The following SSPN variants were observed in gnomAD, a reference collection of about 807,000 sequenced individuals.
SSPN encodes the protein sarcospan.
SSPN carries 15 observed loss-of-function variants against 19.1 expected under a neutral mutation model. That is an observed-to-expected ratio of 0.78 (90% CI 0.52 to 1.21). SSPN has a LOEUF of 1.21. SSPN is among the 50% of genes most tolerant of loss of function. SSPN has a pLI of 0.00. For missense variants in SSPN, 291 were observed against 314.0 expected (o/e 0.93, Z 0.55); for synonymous variants, 147 against 140.3 (o/e 1.05, Z -0.34).
At chr12:26,181,264 A>G (rs1944717206) in intron 1 of SSPN, 1 of 152,174 alleles carries the variant, frequency 6.6e-6, no homozygotes, top group South Asian at 2.1e-4. Flanking sequence ...AAGTTACTCA[A>G]TACAGTTGGA....
intron 1 of SSPN, among the ~76,000 whole-genome samples, chr12:26,144,890 C>T (rs1944480893): frequency 6.6e-6 from 1 of 152,168 alleles, no homozygotes; most frequent in Non-Finnish European, 1.5e-5. Flanking sequence ...ATGAGTTGGT[C>T]ACTTTCCTCC....
intron 1 of SSPN, among the ~76,000 whole-genome samples, chr12:26,146,818 TA>T (rs770083050): frequency 1.4e-4 from 15 of 105,160 alleles, no homozygotes; most frequent in African/African-American, 2.4e-4. Flanking sequence ...CAAGGCTGTC[TA>T]AAAAAAAAAA....
At chr12:26,206,232 A>C (rs2137472224) in intron 1 of SSPN, among the ~76,000 whole-genome samples, 1 of 152,316 alleles carries the variant, frequency 6.6e-6, no homozygotes, top group Non-Finnish European at 1.5e-5. Flanking sequence ...GCTTGGGGAC[A>C]CTGACCTCCT....
At chr12:26,148,589 G>T (rs1223550677) in intron 1 of SSPN, among the ~76,000 whole-genome samples, 1 of 152,114 alleles carries the variant, frequency 6.6e-6, no homozygotes, top group Non-Finnish European at 1.5e-5. Flanking sequence ...TTGGCATCTT[G>T]CATTCTATAA....
chr12:26,131,804 A>G lies in SSPN; in HGVS notation c.-31+9652A>G, dbSNP rs117034921. 8.3e-4 allele frequency among the ~76,000 whole-genome samples: 126 copies of G among 152,350 alleles called. No homozygotes were observed. The East Asian group carries it at 0.012, about 14-fold the overall frequency. ...CTCTCAATTCTTAGAACTAGGCACCATCAACTCTACCTTACAGATGAACAA... is the reference window on the plus strand; with the variant it reads ...CTCTCAATTCTTAGAACTAGGCACCGTCAACTCTACCTTACAGATGAACAA... On this transcript the variant is annotated intron_variant, in intron 1 of 2. Coordinates refer to the SSPN transcript ENST00000538142.
At chr12:26,205,587 C>T (rs1201902172) in intron 1 of SSPN, among the ~76,000 whole-genome samples, 1 of 152,192 alleles carries the variant, frequency 6.6e-6, no homozygotes, top group African/African-American at 2.4e-5. Context: ...ACAAGGGCAA[C>T]AGCATTTCAG....
At chr12:26,166,467 G>T (rs1417980222) in intron 1 of SSPN, among the ~76,000 whole-genome samples, 1 of 152,218 alleles carries the variant, frequency 6.6e-6, no homozygotes, top group Non-Finnish European at 1.5e-5. Flanking sequence ...ATTGTACATT[G>T]TACATTGAGA....
At chr12:26,224,214 A>G (rs1197895714) in intron 1 of SSPN, 79 bp from the exon 2 acceptor site, 5 of 951,276 alleles carry the variant, frequency 5.3e-6, no homozygotes, top group Admixed American at 3.6e-5. Flanking sequence ...ATGTGACTGC[A>G]GGAAGATACT....
chr12:26,122,181 T>G lies in SSPN; in HGVS notation c.-31+29T>G, dbSNP rs764293030. The G allele has an allele frequency of 3.2e-5, 47 of 1,485,456 alleles. No homozygotes were observed. The highest frequency in any genetic ancestry group is 4.5e-6 in the Non-Finnish European group (5 of 1,118,322). The allele number at this position is 1,485,456 out of a possible 1,614,324, so 92.0% of individuals were successfully genotyped here. ...GGTGCGGCCGTGCGGGTGCTGGGGG[T>G]GCGGCGCCCCAAGGGGCGCCACCTC... On this transcript the variant is annotated intron_variant, in intron 1 of 2. Transcript: ENST00000538142.
At chr12:26,122,923 A>G in intron 1 of SSPN, 3 of 1,550,556 alleles carry the variant, frequency 1.9e-6, no homozygotes, top group Non-Finnish European at 2.6e-6. Flanking sequence ...GCGGCCGCGG[A>G]CCCGGCGGCC....
Position 26,124,970 on chromosome 12 carries a change from G to C in SSPN, c.-31+2818G>C, listed in dbSNP as rs1160472597. ...CTCCACCGCGCTCGCACACACACAC[G>C]CACACACACGCACACTCGCGCCGGC... On this transcript the variant is annotated intron_variant, in intron 1 of 2. Coordinates refer to the SSPN transcript ENST00000538142. The C allele has an allele frequency of 1.4e-5, 9 of 633,984 alleles. No individual in the cohort carries two copies. The Middle Eastern group carries it at 1.7e-3, about 122-fold the overall frequency. 39.3% of individuals were successfully genotyped at this position (633,984 alleles called of 1,614,324 possible).
chr12:26,183,127 C>G (rs1398521713), intron 1 of SSPN, among the ~76,000 whole-genome samples: 2 of 152,134 alleles, frequency 1.3e-5, no homozygotes, highest in African/African-American at 4.8e-5. Context: ...TCCTGACTTA[C>G]AATTTCCTGA....
At chr12:26,125,744 C>T (rs1431780938) in intron 1 of SSPN, 1 of 148,704 alleles carries the variant, frequency 6.7e-6, no homozygotes, top group Admixed American at 6.7e-5. Context: ...TTTGGGGCCG[C>T]GTGTGCTCCT....
intron 1 of SSPN, among the ~76,000 whole-genome samples, chr12:26,165,171 T>A (rs555506796): frequency 1.2e-4 from 19 of 152,328 alleles, no homozygotes; most frequent in African/African-American, 4.3e-4. Flanking sequence ...CTTTTTCATA[T>A]CCTAAAATTA....
chr12:26,212,613 A>C (rs80175936), intron 1 of SSPN, among the ~76,000 whole-genome samples: 1 of 152,086 alleles, frequency 6.6e-6, no homozygotes, highest in Non-Finnish European at 1.5e-5. Flanking sequence ...GGATTTCTAC[A>C]CTAGAGCTTT....
rs1316879495 is a variant in SSPN at position 26,232,823 on chromosome 12, T to C, written c.*1747T>C. 2 of 590,734 alleles carry C rather than the reference T, an allele frequency of 3.4e-6. No individual in the cohort carries two copies. Among genetic ancestry groups the C allele is most frequent in the East Asian group, 1.4e-4 (1 of 7,022 alleles). 36.6% of individuals were successfully genotyped at this position (590,734 alleles called of 1,614,324 possible). On this transcript the variant is annotated 3_prime_UTR_variant, in exon 3 of 3. Coordinates refer to ENST00000242729, the MANE Select transcript of SSPN (RefSeq NM_005086.5). Reference sequence around the variant, plus strand: ...CATTAGCTCCAGCTAAAAAGACACATTGGAGAGCTTAGAGGATAAGTCTCT... The same window carrying C: ...CATTAGCTCCAGCTAAAAAGACACACTGGAGAGCTTAGAGGATAAGTCTCT...
intron 1 of SSPN, among the ~76,000 whole-genome samples, chr12:26,214,108 A>G (rs758468447): frequency 5.9e-5 from 9 of 152,096 alleles, no homozygotes; most frequent in Non-Finnish European, 1.2e-4. Flanking sequence ...AACACCTACT[A>G]CAATTCCAGG....
At chr12:26,139,736 G>A (rs931403605) in intron 1 of SSPN, among the ~76,000 whole-genome samples, 1 of 152,146 alleles carries the variant, frequency 6.6e-6, no homozygotes. Context: ...GTAAAATGTT[G>A]TAAAATATCT....
intron 1 of SSPN, among the ~76,000 whole-genome samples, chr12:26,159,465 G>C (rs1944574974): frequency 6.6e-6 from 1 of 152,206 alleles, no homozygotes; most frequent in Admixed American, 6.5e-5. Context: ...TGGAAAGATG[G>C]GTTGTGTGCA....
Sources: allele counts gnomAD v4.1 joint callset (sites outside exome capture counted in the v4.1 genomes callset), GRCh38; gene constraint gnomAD v4.1.1; transcripts MANE v1.5; gene names NCBI Gene and HGNC (gene_info 2026-07-23, HGNC 2026-07-21).